Variants in MACROD2 observed in about 807,000 individuals in gnomAD.
MACROD2 encodes the protein mono-ADP ribosylhydrolase 2.
In MACROD2, 36 loss-of-function variants were observed where a neutral mutation model predicts 70.4. That is an observed-to-expected ratio of 0.51 (90% CI 0.39 to 0.68). The LOEUF is 0.68. MACROD2 is among the 30% of genes least tolerant of loss of function. MACROD2 has a pLI of 0.00. For synonymous variants in MACROD2, 172 were observed against 178.8 expected, an observed-to-expected ratio of 0.96 and a Z score of 0.30; for missense variants, 496 against 538.4, an observed-to-expected ratio of 0.92 and a Z score of 0.78.
chr20:15,085,913 G>C (rs1332429231), intron 5 of MACROD2, among the ~76,000 whole-genome samples: 3 of 110,084 alleles, frequency 2.7e-5, no homozygotes, highest in Middle Eastern at 4.4e-3. Context: ...CACACACACA[G>C]ATTTTTTCTT....
intron 8 of MACROD2, among the ~76,000 whole-genome samples, chr20:15,607,467 T>G (rs920714383): frequency 2.0e-5 from 3 of 152,224 alleles, no homozygotes; most frequent in African/African-American, 7.2e-5. Flanking sequence ...CTCTTAATGG[T>G]ACTCTAAATA....
chr20:14,343,954 G>A (rs1241704687), intron 3 of MACROD2, among the ~76,000 whole-genome samples: 3 of 152,136 alleles, frequency 2.0e-5, no homozygotes, highest in Admixed American at 6.6e-5. Context: ...TGGAGTATTG[G>A]TGCTAATTTT....
At chr20:14,854,194 G>T (rs551338417) in intron 5 of MACROD2, among the ~76,000 whole-genome samples, 1 of 152,250 alleles carries the variant, frequency 6.6e-6, no homozygotes, top group East Asian at 1.9e-4. Flanking sequence ...TTCACCAGGA[G>T]AAAGCTGTGG....
chr20:14,213,580 A>G (rs955150855), intron 3 of MACROD2, among the ~76,000 whole-genome samples: 2 of 151,898 alleles, frequency 1.3e-5, no homozygotes, highest in Admixed American at 6.6e-5. Context: ...AGAGTTGGCA[A>G]ATCTTACCGG....
intron 5 of MACROD2, among the ~76,000 whole-genome samples, chr20:15,066,505 A>C (rs987144398): frequency 6.6e-6 from 1 of 152,138 alleles, no homozygotes; most frequent in African/African-American, 2.4e-5. Context: ...TCGTTCGCCA[A>C]ATCAAGTCAT....
intron 3 of MACROD2, among the ~76,000 whole-genome samples, chr20:14,251,544 A>G (rs1027501010): frequency 9.2e-5 from 14 of 152,130 alleles, no homozygotes; most frequent in African/African-American, 3.4e-4. Context: ...ATTTCTACAT[A>G]TGTTAGAAGA....
intron 10 of MACROD2, among the ~76,000 whole-genome samples, chr20:15,906,610 C>T (rs780551170): frequency 1.1e-4 from 17 of 150,592 alleles, no homozygotes; most frequent in East Asian, 3.9e-4. Context: ...AAAAAAAAAA[C>T]GCTTTCAAAC....
chr20:15,262,758 A>C (rs972443391), intron 6 of MACROD2, among the ~76,000 whole-genome samples: 1 of 152,044 alleles, frequency 6.6e-6, no homozygotes, highest in Admixed American at 6.6e-5. Flanking sequence ...GGATAAGATA[A>C]TATCTCATTG....
At chr20:15,588,701 C>T (rs1009071864) in intron 8 of MACROD2, among the ~76,000 whole-genome samples, 4 of 152,154 alleles carry the variant, frequency 2.6e-5, no homozygotes, top group African/African-American at 2.4e-5. Flanking sequence ...AGTCTCTTTG[C>T]TAAAACATAA....
rs2064161777 is a variant in MACROD2 at position 15,840,778 on chromosome 20, TA to T, written c.646-21960del. Among the ~76,000 whole-genome samples, 4 of 152,020 alleles carry T rather than the reference TA, an allele frequency of 2.6e-5. No individual in the cohort carries two copies. In the South Asian group the frequency reaches 6.2e-4, roughly 24 times the overall value. ...CTCTACTGGAAAAAAATGGAAGCTA[TA>T]AAAAAATTCATCCATAAACTCTTCC... is the stretch of plus-strand genomic sequence containing the variant. On this transcript the variant is annotated intron_variant, in intron 8 of 17. Transcript: ENST00000684519.
chr20:15,694,433 T>G (rs547870648), intron 8 of MACROD2, among the ~76,000 whole-genome samples: 1 of 152,346 alleles, frequency 6.6e-6, no homozygotes, highest in South Asian at 2.1e-4. Flanking sequence ...TGGTATCACA[T>G]TGTGGTTTTG....
At chr20:14,825,437 G>T (rs1170746471) in intron 5 of MACROD2, among the ~76,000 whole-genome samples, 2 of 151,822 alleles carry the variant, frequency 1.3e-5, no homozygotes, top group African/African-American at 4.8e-5. Flanking sequence ...TTATAACAAG[G>T]GCATTAAAAT....
At chr20:15,409,594 T>C (rs1317028618) in intron 6 of MACROD2, among the ~76,000 whole-genome samples, 2 of 152,242 alleles carry the variant, frequency 1.3e-5, no homozygotes, top group African/African-American at 4.8e-5. Flanking sequence ...AGTGAATGCA[T>C]GTAGTTGATT....
chr20:14,360,248 C>T (rs1049509226), intron 3 of MACROD2, among the ~76,000 whole-genome samples: 2 of 152,038 alleles, frequency 1.3e-5, no homozygotes, highest in South Asian at 2.1e-4. Flanking sequence ...ACTTGAAAAT[C>T]GCTAGGAGAA....
intron 5 of MACROD2, among the ~76,000 whole-genome samples, chr20:15,109,960 GT>G (rs1275910678): frequency 1.3e-5 from 2 of 152,102 alleles, no homozygotes; most frequent in Non-Finnish European, 2.9e-5. Flanking sequence ...GTGATAATAG[GT>G]TCTCGGAGGG....
chr20:15,016,262 G>C (rs2075120308), intron 5 of MACROD2, among the ~76,000 whole-genome samples: 2 of 152,118 alleles, frequency 1.3e-5, no homozygotes, highest in South Asian at 4.1e-4. Flanking sequence ...ACATGTTATG[G>C]GTGGAGGACA....
chr20:14,296,921 A>G (rs953203876), intron 3 of MACROD2, among the ~76,000 whole-genome samples: 1 of 151,928 alleles, frequency 6.6e-6, no homozygotes, highest in South Asian at 2.1e-4. Context: ...AAGTAAGTCT[A>G]TTGGTGCCAT....
At chr20:15,147,996 T>C (rs1435606585) in intron 5 of MACROD2, among the ~76,000 whole-genome samples, 4 of 152,112 alleles carry the variant, frequency 2.6e-5, no homozygotes, top group African/African-American at 9.7e-5. Flanking sequence ...TATGTGTATG[T>C]GCAGGTCACA....
chr20:15,352,085 G>A (rs1355600009), intron 6 of MACROD2, among the ~76,000 whole-genome samples: 1 of 152,160 alleles, frequency 6.6e-6, no homozygotes, highest in Admixed American at 6.6e-5. Flanking sequence ...AACTGAGGCA[G>A]CCATAATGGT....
Sources: gnomAD v4.1 joint callset for allele counts (sites outside exome capture counted in the v4.1 genomes callset) on GRCh38, gnomAD v4.1.1 for gene constraint, MANE v1.5 for transcripts, NCBI Gene and HGNC (gene_info 2026-07-23, HGNC 2026-07-21) for gene names.